The following DEK variants were observed in gnomAD, a reference collection of about 807,000 sequenced individuals.
DEK encodes protein DEK.
DEK carries 28 observed loss-of-function variants against 46.8 expected under a neutral mutation model. The observed-to-expected ratio is 0.60, with a 90% CI of 0.44 to 0.82. DEK has a LOEUF of 0.82. Among genes scored for constraint, DEK ranks in the 40% least tolerant of loss-of-function variants. The probability of loss-of-function intolerance (pLI) is 0.00; values close to 1 mark genes in which losing one functional copy is unlikely to be tolerated. For synonymous variants in DEK, 160 were observed against 144.5 expected, an observed-to-expected ratio of 1.11 and a Z score of -0.77; for missense variants, 416 against 430.6, an observed-to-expected ratio of 0.97 and a Z score of 0.30.
chr6:18,242,866 A>C (rs1009452661), intron 7 of DEK, among the ~76,000 whole-genome samples: 7 of 152,206 alleles, frequency 4.6e-5, no homozygotes, highest in Non-Finnish European at 8.8e-5. Flanking sequence ...CAAATCTTCT[A>C]TATGTGAAAT....
Position 18,255,965 on chromosome 6 carries a change from G to C in DEK, c.453-114C>G, listed in dbSNP as rs114308007. The C allele has an allele frequency of 6.3e-4, 760 of 1,209,146 alleles. 6 individuals carry two copies. The African/African-American group carries it at 0.011, about 17-fold the overall frequency. The allele number at this position is 1,209,146 out of a possible 1,614,324, so 74.9% of individuals were successfully genotyped here. A position where few individuals can be genotyped will look rare whatever the true frequency, so the allele number is the denominator to read the frequency against. ...GGCTCAGTTACATACATTTAAAAAA[G>C]TGGCCAATGCTTCTATGAATCTTTT... On this transcript the variant is annotated intron_variant, in intron 5 of 10. Coordinates refer to ENST00000652689, the MANE Select transcript of DEK (RefSeq NM_003472.4).
At chr6:18,263,695 C>T (rs773957841) in intron 2 of DEK, 148 bp downstream of exon 2, 6 of 1,539,714 alleles carry the variant, frequency 3.9e-6, no homozygotes, top group Non-Finnish European at 5.2e-6. Flanking sequence ...AAAACAAAAG[C>T]AGATAAATTG....
chr6:18,254,586 T>TG (rs1791527957), intron 6 of DEK, among the ~76,000 whole-genome samples: 1 of 152,070 alleles, frequency 6.6e-6, no homozygotes, highest in Non-Finnish European at 1.5e-5. Context: ...AAAAAGCTCT[T>TG]GGGGTCCTCA....
chr6:18,252,559 A>G (rs950446275), intron 6 of DEK, among the ~76,000 whole-genome samples: 3 of 150,786 alleles, frequency 2.0e-5, no homozygotes, highest in Admixed American at 6.6e-5. Flanking sequence ...GCTCGATACT[A>G]TCAGATTAAG....
chr6:18,250,450 CAGT>C (rs1172001784), intron 6 of DEK, among the ~76,000 whole-genome samples: 1 of 151,450 alleles, frequency 6.6e-6, no homozygotes, highest in African/African-American at 2.4e-5. Context: ...GCCTGGGCAA[CAGT>C]GTGAGACTCC....
At chr6:18,263,784 A>C (rs1020175150) in intron 2 of DEK, 59 bp downstream of exon 2, 17 of 1,609,936 alleles carry the variant, frequency 1.1e-5, no homozygotes, top group Non-Finnish European at 1.4e-5. Context: ...TTCCTGGGTG[A>C]AAAATACAAA....
chr6:18,248,194 ATAGTT>A (rs1791209060), intron 7 of DEK, among the ~76,000 whole-genome samples: 1 of 152,246 alleles, frequency 6.6e-6, no homozygotes, highest in African/African-American at 2.4e-5. Context: ...AAACTGAGGT[ATAGTT>A]TAAATAACTT....
intron 7 of DEK, among the ~76,000 whole-genome samples, chr6:18,248,102 C>A (rs1389687032): frequency 1.3e-5 from 2 of 152,306 alleles, no homozygotes; most frequent in African/African-American, 4.8e-5. Context: ...GCACCAGGCA[C>A]CGCTCTAAGT....
chr6:18,259,336 A>T (rs907652614), intron 2 of DEK, among the ~76,000 whole-genome samples: 5 of 133,376 alleles, frequency 3.7e-5, no homozygotes, highest in African/African-American at 1.4e-4. Context: ...CGGAGCTTGC[A>T]GTGAGCCGAG....
chr6:18,226,717 T>C (rs1252820304), intron 9 of DEK, among the ~76,000 whole-genome samples: 1 of 152,078 alleles, frequency 6.6e-6, no homozygotes, highest in East Asian at 1.9e-4. Context: ...GAGGTTGAGG[T>C]TGCAGTGAGC....
rs562217761 is a variant in DEK, at chr6:18,247,678, G to T, written c.762+1973C>A. 6.2e-5 allele frequency among the ~76,000 whole-genome samples: 9 copies of T among 145,620 alleles called. No individual in the cohort carries two copies. In the South Asian group the frequency reaches 1.1e-3, roughly 18 times the overall value. On this transcript the variant is annotated intron_variant, in intron 7 of 10. Transcript: ENST00000652689. ...TTAAAAGTGAGTATAAAATGCTCTC[G>T]TTTTTTTTTTTTGAGACGGAGTTTC...
At chr6:18,226,141 C>A in intron 10 of DEK, 33 bp downstream of exon 10, 1 of 1,257,484 alleles carries the variant, frequency 8.0e-7, no homozygotes, top group Non-Finnish European at 1.1e-6. Flanking sequence ...TCTTATATTT[C>A]TAAAGTCAAA....
At position 18,225,598 on chromosome 6, in the gene DEK, AAGTT is replaced by A. The variant is rs2151074538; in HGVS notation, c.*117_*120del. On this transcript the variant is annotated 3_prime_UTR_variant, in exon 11 of 11. Transcript: ENST00000652689. ...CACTCAAGATAAAAAGGTCAGCAGT[AAGTT>A]CTACTAACGTTGCTTAACAAGGATT... The A allele has an allele frequency of 9.2e-7, 1 of 1,085,030 alleles. No individual in the cohort carries two copies. Among genetic ancestry groups the A allele is most frequent in the Non-Finnish European group, 1.3e-6 (1 of 767,720 alleles). The allele number at this position is 1,085,030 out of a possible 1,614,324, so 67.2% of individuals were successfully genotyped here.
chr6:18,257,933 A>T lies in DEK; in HGVS notation c.357+20T>A. On this transcript the variant is annotated intron_variant, in intron 4 of 10. Transcript: ENST00000652689. ...TGTGAAGTAATATACAAGTAGGTTT[A>T]AAGTGTAAAAAGGTCTTACAGTGCC... 1 of 1,537,746 alleles carries T rather than the reference A, an allele frequency of 6.5e-7. No homozygotes were observed. Among genetic ancestry groups the T allele is most frequent in the Non-Finnish European group, 8.8e-7 (1 of 1,131,480 alleles).
At chr6:18,259,483 T>C (rs1330099852) in intron 2 of DEK, among the ~76,000 whole-genome samples, 4 of 148,672 alleles carry the variant, frequency 2.7e-5, no homozygotes, top group African/African-American at 9.9e-5. Flanking sequence ...TTAAGCTCCA[T>C]TTATCTAAAA....
At chr6:18,256,224 T>C (rs1458246091) in intron 5 of DEK, 137 bp downstream of exon 5, 1 of 671,126 alleles carries the variant, frequency 1.5e-6, no homozygotes, top group African/African-American at 1.8e-5. Context: ...TGACCTCAGG[T>C]GATACGCCCG....
chr6:18,259,741 A>G (rs1791772206), intron 2 of DEK, among the ~76,000 whole-genome samples: 1 of 152,204 alleles, frequency 6.6e-6, no homozygotes. Context: ...TGCACTGAGG[A>G]GGAATTGATT....
chr6:18,249,675 A>G lies in DEK; in HGVS notation c.738T>C (p.Asp246=). Residue 246 remains aspartate, a synonymous_variant, in exon 7 of 11, where the codon GAT becomes GAC. Transcript: ENST00000652689. ...CCTCCTCTTCACTTTCTTTATCTTC[A>G]TCATCTGAAGACTCTTCCTTGTTTT... is the stretch of plus-strand genomic sequence containing the variant. ...EKKNKEESSD[D]EDKESEEEPP... is the part of the protein sequence containing the mutation. 1 of 1,586,736 alleles carries G rather than the reference A, an allele frequency of 6.3e-7. No individual in the cohort carries two copies. The highest frequency in any genetic ancestry group is 8.5e-7 in the Non-Finnish European group (1 of 1,172,224).
intron 9 of DEK, among the ~76,000 whole-genome samples, chr6:18,230,610 A>C (rs1468730606): frequency 6.6e-6 from 1 of 152,222 alleles, no homozygotes; most frequent in Non-Finnish European, 1.5e-5. Context: ...TTAAACCAAC[A>C]AAGATCAAAA....
Sources: allele counts gnomAD v4.1 joint callset (sites outside exome capture counted in the v4.1 genomes callset), GRCh38; gene constraint gnomAD v4.1.1; transcripts MANE v1.5; gene names NCBI Gene and HGNC (gene_info 2026-07-23, HGNC 2026-07-21).